The following SVOPL variants were observed in gnomAD, a reference collection of about 807,000 sequenced individuals.
SVOPL encodes SVOP like, also known as putative transporter SVOPL.
SVOPL carries 60 observed loss-of-function variants against 61.0 expected under a neutral mutation model. The observed-to-expected ratio is 0.98, with a 90% confidence interval of 0.80 to 1.22. SVOPL has a LOEUF of 1.22. SVOPL is among the 50% of genes most tolerant of loss of function. SVOPL has a pLI of 0.00. For synonymous variants in SVOPL, 279 were observed against 250.0 expected, an observed-to-expected ratio of 1.12 and a Z score of -1.09; for missense variants, 662 against 643.9, an observed-to-expected ratio of 1.03 and a Z score of -0.30.
At chr7:138,603,125 A>G (rs1331105940) in intron 14 of SVOPL, among the ~76,000 whole-genome samples, 1 of 152,214 alleles carries the variant, frequency 6.6e-6, no homozygotes, top group Admixed American at 6.5e-5. Context: ...AAACATATGT[A>G]TATGAAAGCA....
In SVOPL at chr7:138,623,507, G is replaced by A. The variant is rs187021761; in HGVS notation, c.1264-2372C>T. Among the ~76,000 whole-genome samples the A allele has an allele frequency of 4.3e-3, 651 of 152,222 alleles. 7 individuals are homozygous for A. Among genetic ancestry groups the A allele is most frequent in the African/African-American group, 0.014 (585 of 41,546 alleles). On this transcript the variant is annotated intron_variant, in intron 13 of 15. Transcript: ENST00000674285. The stretch of plus-strand genomic sequence containing the variant: ...CCCAGCTACTCAGGAGGCTGAGGCA[G>A]GAGAATGGCGTGAACCCGGGAGGTG...
Position 138,654,885 on chromosome 7 carries a change from TAAA to T in SVOPL, c.534+1560_534+1562del, listed in dbSNP as rs34546434. ...TTCACTTCCTTTTTTTTTTTTTTTT[TAAA>T]AAAAAAAAGAATTCAGAGCCTGCTG... is the stretch of plus-strand genomic sequence containing the variant. On this transcript the variant is annotated intron_variant, in intron 7 of 15. Transcript: ENST00000674285. Among the ~76,000 whole-genome samples, 360 of 88,308 alleles carry T rather than the reference TAAA, an allele frequency of 4.1e-3. 2 individuals carry two copies. The highest frequency in any genetic ancestry group is 0.017 in the African/African-American group (343 of 19,978). 57.9% of individuals were successfully genotyped at this position (88,308 alleles called of 152,430 possible). A position where few individuals can be genotyped will look rare whatever the true frequency, so the allele number is the denominator to read the frequency against.
intron 14 of SVOPL, among the ~76,000 whole-genome samples, chr7:138,599,747 G>T (rs570998596): frequency 1.3e-5 from 2 of 152,204 alleles, no homozygotes; most frequent in South Asian, 2.1e-4. Flanking sequence ...AATTAGCAGG[G>T]CGTGGTGGTG....
chr7:138,645,567 C>T (rs1489148831), intron 8 of SVOPL: 1 of 152,838 alleles, frequency 6.5e-6, no homozygotes, highest in East Asian at 1.9e-4. Context: ...AGCAATATGC[C>T]AGCTTCCTAG....
At chr7:138,597,021 C>T (rs1010241374) in intron 14 of SVOPL, 9 of 1,150,024 alleles carry the variant, frequency 7.8e-6, no homozygotes, top group East Asian at 6.3e-5. Flanking sequence ...GTCTTGTCTC[C>T]GGTTATGGAG....
At chr7:138,598,180 CA>C (rs1798359945) in intron 14 of SVOPL, among the ~76,000 whole-genome samples, 1 of 152,000 alleles carries the variant, frequency 6.6e-6, no homozygotes, top group African/African-American at 2.4e-5. Context: ...TTTACTGTAT[CA>C]AAAGGAAAAA....
At chr7:138,681,739 C>T (rs1391799261) in intron 1 of SVOPL, among the ~76,000 whole-genome samples, 1 of 152,136 alleles carries the variant, frequency 6.6e-6, no homozygotes, top group Admixed American at 6.6e-5. Context: ...ATGAGAATTG[C>T]TTGAACCCAG....
At chr7:138,615,010 C>T (rs1349219502) in intron 14 of SVOPL, among the ~76,000 whole-genome samples, 1 of 152,116 alleles carries the variant, frequency 6.6e-6, no homozygotes, top group African/African-American at 2.4e-5. Flanking sequence ...CTGTCAGGGC[C>T]TGTGCTGCAA....
intron 7 of SVOPL, among the ~76,000 whole-genome samples, chr7:138,654,047 C>G (rs1366090939): frequency 6.6e-6 from 1 of 151,312 alleles, no homozygotes; most frequent in Non-Finnish European, 1.5e-5. Context: ...GCGTGAGAAT[C>G]TCTTGAACCC....
chr7:138,609,489 CAA>C lies in SVOPL; in HGVS notation c.1353+11555_1353+11556del, dbSNP rs35516590. ...GCAACATGGCAAGACACCACCTCTA[CAA>C]AAAAAAAAAAAAAAAAAAATAGCAG... On this transcript the variant is annotated intron_variant, in intron 14 of 15. Transcript: ENST00000674285. Among the ~76,000 whole-genome samples the C allele has an allele frequency of 3.2e-3, 155 of 48,316 alleles. 1 individual carries two copies. Among genetic ancestry groups the C allele is most frequent in the Non-Finnish European group, 4.7e-3 (112 of 24,002 alleles). 31.7% of individuals were successfully genotyped at this position (48,316 alleles called of 152,430 possible). A position where few individuals can be genotyped will look rare whatever the true frequency, so the allele number is the denominator to read the frequency against.
intron 4 of SVOPL, among the ~76,000 whole-genome samples, chr7:138,668,152 C>T (rs549145658): frequency 1.1e-4 from 16 of 152,210 alleles, no homozygotes; most frequent in African/African-American, 2.6e-4. Flanking sequence ...CTCAGGAACT[C>T]ACTCAGCGCA....
chr7:138,690,763 T>C (rs1802921977), intron 1 of SVOPL, among the ~76,000 whole-genome samples: 1 of 121,160 alleles, frequency 8.3e-6, no homozygotes, highest in African/African-American at 3.0e-5. Flanking sequence ...TGTACCCTTT[T>C]CTTTCTTTCT....
intron 7 of SVOPL, among the ~76,000 whole-genome samples, chr7:138,652,530 T>A (rs1801489756): frequency 6.6e-6 from 1 of 152,160 alleles, no homozygotes; most frequent in Admixed American, 6.6e-5. Context: ...TAAAGCTTCA[T>A]GAGGAAGGCA....
At chr7:138,601,863 C>G (rs1391772156) in intron 14 of SVOPL, among the ~76,000 whole-genome samples, 1 of 141,998 alleles carries the variant, frequency 7.0e-6, no homozygotes, top group Non-Finnish European at 1.5e-5. Context: ...TCTCTCTAAC[C>G]ACCTCATCAC....
chr7:138,652,992 C>T (rs528951166), intron 7 of SVOPL, among the ~76,000 whole-genome samples: 1 of 152,288 alleles, frequency 6.6e-6, no homozygotes, highest in South Asian at 2.1e-4. Flanking sequence ...AGTGAAACAG[C>T]ATTACGGCTG....
At chr7:138,671,909 C>T in intron 4 of SVOPL, 110 bp downstream of exon 4, 2 of 929,374 alleles carry the variant, frequency 2.2e-6, no homozygotes, top group South Asian at 3.2e-5. Flanking sequence ...GTTTTGGAAG[C>T]CAACAGTGGC....
At chr7:138,622,270 GTATCTATCTATCTATCTATCTATC>G (rs1224085695) in intron 13 of SVOPL, among the ~76,000 whole-genome samples, 7 of 83,798 alleles carry the variant, frequency 8.4e-5, no homozygotes, top group Admixed American at 1.2e-4. Context: ...ATCTATCTAT[GTATCTATCTATCTATCTATCTATC>G]TATCTATCTA....
intron 14 of SVOPL, among the ~76,000 whole-genome samples, chr7:138,606,310 A>G (rs1798755783): frequency 6.6e-6 from 1 of 152,136 alleles, no homozygotes; most frequent in Non-Finnish European, 1.5e-5. Flanking sequence ...GAAAGTTATT[A>G]AGCAGAAGAG....
In SVOPL at chr7:138,610,974, CCTCCTAAGACCGCTGCCACT is replaced by C. The variant is rs1279722513; in HGVS notation, c.1353+10052_1353+10071del. 5.3e-5 allele frequency among the ~76,000 whole-genome samples: 8 copies of C among 152,334 alleles called. No individual in the cohort carries two copies. The South Asian group carries it at 1.4e-3, about 28-fold the overall frequency. On this transcript the variant is annotated intron_variant, in intron 14 of 15. Transcript: ENST00000674285. Reference sequence around the variant, plus strand: ...CTGACTGTGCTCAAGCCCCTGCCACCCTCCTAAGACCGCTGCCACTCTCCCTTTGAAACACCCAGTCACCT... The same window carrying C: ...CTGACTGTGCTCAAGCCCCTGCCACCCTCCCTTTGAAACACCCAGTCACCT...
Sources: allele counts gnomAD v4.1 joint callset (sites outside exome capture counted in the v4.1 genomes callset), GRCh38; gene constraint gnomAD v4.1.1; transcripts MANE v1.5; gene names NCBI Gene and HGNC (gene_info 2026-07-23, HGNC 2026-07-21).